Variants in FSTL4 observed in about 807,000 individuals in gnomAD.
The protein encoded by FSTL4 is follistatin-related protein 4.
In FSTL4, 28 loss-of-function variants were observed where a neutral mutation model predicts 78.2. The observed-to-expected ratio is 0.36, with a 90% CI of 0.27 to 0.49. The LOEUF is 0.49. FSTL4 is among the 20% of genes least tolerant of loss of function. The probability of loss-of-function intolerance (pLI) is 0.98; values close to 1 mark genes in which losing one functional copy is unlikely to be tolerated. For synonymous variants in FSTL4, 422 were observed against 440.5 expected (o/e 0.96, Z 0.53); for missense variants, 922 against 1,084.9 (o/e 0.85, Z 2.11).
intron 6 of FSTL4, among the ~76,000 whole-genome samples, chr5:133,273,733 C>G (rs139021006): frequency 6.6e-6 from 1 of 152,158 alleles, no homozygotes; most frequent in Non-Finnish European, 1.5e-5. Context: ...CAGGCCTTTG[C>G]GTAGCTGAAG....
intron 6 of FSTL4, among the ~76,000 whole-genome samples, chr5:133,309,068 G>A (rs1422171906): frequency 6.6e-6 from 1 of 152,190 alleles, no homozygotes; most frequent in African/African-American, 2.4e-5. Context: ...TGAGCACTCA[G>A]AACAGTGCAA....
At chr5:133,404,384 T>C (rs1756306975) in intron 3 of FSTL4, among the ~76,000 whole-genome samples, 1 of 152,226 alleles carries the variant, frequency 6.6e-6, no homozygotes, top group Admixed American at 6.5e-5. Flanking sequence ...ATAGTATTTA[T>C]GAGGACAACC....
chr5:133,511,406 T>A (rs889225518), intron 3 of FSTL4, among the ~76,000 whole-genome samples: 2 of 152,114 alleles, frequency 1.3e-5, no homozygotes, highest in Non-Finnish European at 2.9e-5. Flanking sequence ...TCAACCACGA[T>A]CCTTACCATA....
intron 4 of FSTL4, among the ~76,000 whole-genome samples, chr5:133,368,261 G>A (rs186318103): frequency 2.6e-5 from 4 of 152,372 alleles, no homozygotes; most frequent in African/African-American, 9.6e-5. Flanking sequence ...CAGCCAGCCA[G>A]CCATATCCAT....
intron 3 of FSTL4, among the ~76,000 whole-genome samples, chr5:133,525,559 G>A (rs746178528): frequency 6.6e-5 from 10 of 152,212 alleles, no homozygotes; most frequent in Non-Finnish European, 1.2e-4. Flanking sequence ...CTGTTCTCCT[G>A]AGACTGGCAA....
intron 2 of FSTL4, among the ~76,000 whole-genome samples, chr5:133,596,850 C>T (rs1030487900): frequency 2.0e-5 from 3 of 152,256 alleles, no homozygotes; most frequent in Non-Finnish European, 4.4e-5. Flanking sequence ...GCCAAGAGCA[C>T]ACACTCCTGG....
At chr5:133,792,099 C>T in the FSTL4 span, among the ~76,000 whole-genome samples, 1 of 152,216 alleles carries the variant, frequency 6.6e-6, no homozygotes, top group South Asian at 2.1e-4. Context: ...TACCTTCCTC[C>T]TGCCAGGTTC....
At chr5:133,674,104 G>A in the FSTL4 span, among the ~76,000 whole-genome samples, 1 of 152,140 alleles carries the variant, frequency 6.6e-6, no homozygotes, top group Non-Finnish European at 1.5e-5. Flanking sequence ...CTGCACGGGG[G>A]CTCCAGGTCA....
At chr5:133,436,925 G>A (rs923023696) in intron 3 of FSTL4, among the ~76,000 whole-genome samples, 1 of 152,208 alleles carries the variant, frequency 6.6e-6, no homozygotes, top group Non-Finnish European at 1.5e-5. Flanking sequence ...GAATTAGAGT[G>A]GTGGTATTGG....
chr5:133,439,342 T>C (rs1561717310), intron 3 of FSTL4, among the ~76,000 whole-genome samples: 1 of 152,180 alleles, frequency 6.6e-6, no homozygotes, highest in Non-Finnish European at 1.5e-5. Context: ...GGGCCCAAAC[T>C]TGCCAATATT....
At chr5:133,646,909 T>C in the FSTL4 span, among the ~76,000 whole-genome samples, 1 of 152,166 alleles carries the variant, frequency 6.6e-6, no homozygotes, top group East Asian at 1.9e-4. Flanking sequence ...TTCGTCGTTT[T>C]AGAGGCCCAA....
the FSTL4 span, among the ~76,000 whole-genome samples, chr5:133,674,308 G>T: frequency 6.6e-6 from 1 of 152,094 alleles, no homozygotes; most frequent in Non-Finnish European, 1.5e-5. Flanking sequence ...CGAGATATTT[G>T]TTCCCACCTA....
intron 3 of FSTL4, among the ~76,000 whole-genome samples, chr5:133,439,258 T>A (rs1293271127): frequency 6.6e-6 from 1 of 152,212 alleles, no homozygotes; most frequent in African/African-American, 2.4e-5. Flanking sequence ...TTTCTAGAAC[T>A]CTATGAGACC....
intron 4 of FSTL4, among the ~76,000 whole-genome samples, chr5:133,348,777 G>A (rs2126924243): frequency 6.6e-6 from 1 of 152,308 alleles, no homozygotes; most frequent in East Asian, 1.9e-4. Context: ...TCTGAAAAAT[G>A]GGGATACTAA....
the FSTL4 span, among the ~76,000 whole-genome samples, chr5:133,623,778 A>G: frequency 6.6e-6 from 1 of 152,048 alleles, no homozygotes; most frequent in South Asian, 2.1e-4. Flanking sequence ...ACTCAACAAC[A>G]AAAAGATGAA....
intron 6 of FSTL4, among the ~76,000 whole-genome samples, chr5:133,283,149 G>C (rs769418716): frequency 6.6e-6 from 1 of 152,214 alleles, no homozygotes; most frequent in Non-Finnish European, 1.5e-5. Context: ...AGATTTTCAA[G>C]AGTGGTGGTG....
chr5:133,210,696 G>C (rs1210238188), intron 13 of FSTL4, among the ~76,000 whole-genome samples: 1 of 151,842 alleles, frequency 6.6e-6, no homozygotes, highest in Admixed American at 6.6e-5. Context: ...TCTCCATGTC[G>C]GTCAGGCTGG....
the FSTL4 span, among the ~76,000 whole-genome samples, chr5:133,827,538 T>C: frequency 6.6e-6 from 1 of 151,976 alleles, no homozygotes; most frequent in Non-Finnish European, 1.5e-5. Flanking sequence ...GTGCAAATAC[T>C]CTCTTATATA....
intron 3 of FSTL4, among the ~76,000 whole-genome samples, chr5:133,488,835 G>T (rs781171825): frequency 6.6e-5 from 10 of 152,104 alleles, no homozygotes; most frequent in Non-Finnish European, 1.2e-4. Flanking sequence ...TGGGCCCCAT[G>T]ATGCCCCTCA....
Sources: allele counts gnomAD v4.1 joint callset (sites outside exome capture counted in the v4.1 genomes callset), GRCh38; gene constraint gnomAD v4.1.1; transcripts MANE v1.5; gene names NCBI Gene and HGNC (gene_info 2026-07-23, HGNC 2026-07-21).